SFPQ: variants seen among roughly 807,000 people sequenced by gnomAD.
SFPQ encodes the protein splicing factor proline and glutamine rich.
A neutral mutation model predicts 72.9 loss-of-function variants in SFPQ; 11 were observed. The observed-to-expected ratio is 0.15, with a 90% CI of 0.09 to 0.25. SFPQ has a LOEUF of 0.25. SFPQ is among the 10% of genes least tolerant of loss of function. SFPQ has a pLI of 1.00. For synonymous variants in SFPQ, 506 were observed against 367.3 expected, an observed-to-expected ratio of 1.38 and a Z score of -4.32; for missense variants, 847 against 993.3, an observed-to-expected ratio of 0.85 and a Z score of 1.98.
intron 4 of SFPQ, among the ~76,000 whole-genome samples, chr1:35,189,819 A>G (rs1639906997): frequency 6.6e-6 from 1 of 152,082 alleles, no homozygotes; most frequent in Admixed American, 6.6e-5. Flanking sequence ...GCATGGTGGC[A>G]GGCACCTGTA....
chr1:35,190,398 A>C, intron 4 of SFPQ, 100 bp downstream of exon 4: 1 of 766,222 alleles, frequency 1.3e-6, no homozygotes, highest in South Asian at 1.7e-5. Context: ...ATCCACATCA[A>C]ATAATTTTGC....
chr1:35,189,423 T>C (rs2148621960), intron 4 of SFPQ, 41 bp from the exon 5 acceptor site: 2 of 1,491,830 alleles, frequency 1.3e-6, no homozygotes, highest in South Asian at 1.2e-5. Flanking sequence ...GATTTGTGAA[T>C]GCATACCAGA....
chr1:35,192,008 C>T (rs1042273791), intron 1 of SFPQ, among the ~76,000 whole-genome samples: 1 of 152,038 alleles, frequency 6.6e-6, no homozygotes, highest in Non-Finnish European at 1.5e-5. Context: ...GAAAGGAAAC[C>T]TCCCCTAGCC....
chr1:35,192,827 G>T lies in SFPQ; in HGVS notation c.223C>A (p.Gln75Lys). The T allele has an allele frequency of 6.6e-7, 1 of 1,515,050 alleles. No homozygotes were observed. Among genetic ancestry groups the T allele is most frequent in the Non-Finnish European group, 8.8e-7 (1 of 1,138,406 alleles). 93.9% of individuals were successfully genotyped at this position (1,515,050 alleles called of 1,614,324 possible). The change falls in exon 1 of 10, where the codon CAG becomes AAG. Residue 75 changes from glutamine to lysine, a missense_variant. Gln to Lys is a moderately conservative substitution (Grantham distance 53, BLOSUM62 1). Around this residue, in one of 6 missense-constraint regions of SFPQ, gnomAD observed 498 missense variants for 405.1 expected, o/e 1.23. Transcript: ENST00000357214. ...PHQQQQQPPP[Q>K]QPPPQQPPPH... ...GGCGGCTGCTGCGGCGGTGGCTGCT[G>T]CGGTGGTGGCTGTTGCTGCTGTTGG...
Position 35,189,333 on chromosome 1 carries a change from C to T in SFPQ, c.1465G>A (p.Glu489Lys), listed in dbSNP as rs958417932. 5.6e-6 allele frequency: 9 copies of T among 1,614,072 alleles called. No individual in the cohort carries two copies. Among genetic ancestry groups the T allele is most frequent in the Non-Finnish European group, 7.6e-6 (9 of 1,179,980 alleles). ...AAAGACTTCCATCGCTGAGAATATT[C>T]GTACTCAAACGTGCCATGCTGGGCA... ...RFAQHGTFEY[E>K]YSQRWKSLDE... Residue 489 changes from glutamate (E) to lysine (K), a missense_variant, in exon 5 of 10, where the codon GAA becomes AAA. Physicochemically the swap from Glu to Lys is moderately conservative, Grantham distance 56. Coordinates refer to ENST00000357214, the MANE Select transcript of SFPQ (RefSeq NM_005066.3).
At chr1:35,187,298 C>A in intron 7 of SFPQ, 47 bp from the exon 8 acceptor site, 1 of 1,550,252 alleles carries the variant, frequency 6.5e-7, no homozygotes, top group Non-Finnish European at 8.9e-7. Context: ...ATACCCACAG[C>A]AAGCATTCTT....
chr1:35,178,580 C>A (rs1406007075), downstream of SFPQ: 4 of 1,058,426 alleles, frequency 3.8e-6, no homozygotes, highest in Non-Finnish European at 4.6e-6. Context: ...TAAGTCCTCA[C>A]TGAGTTTTAA....
downstream of SFPQ, chr1:35,181,570 A>C: frequency 2.8e-6 from 3 of 1,061,988 alleles, no homozygotes; most frequent in Non-Finnish European, 3.4e-6. Context: ...CTTATAAAAT[A>C]CCTATTAAAT....
At chr1:35,192,197 A>C (rs1244350459) in intron 1 of SFPQ, 25 bp downstream of exon 1, 2 of 1,380,252 alleles carry the variant, frequency 1.4e-6, no homozygotes, top group Non-Finnish European at 1.9e-6. Context: ...AGGGGAGCCG[A>C]CGCGTCGCTC....
Position 35,188,124 on chromosome 1 carries a change from T to TTA in SFPQ, c.1698-36_1698-35dup, listed in dbSNP as rs758423860. On this transcript the variant is annotated intron_variant, in intron 6 of 9. Coordinates refer to ENST00000357214, the MANE Select transcript of SFPQ (RefSeq NM_005066.3). ...ACCCATCAGGTACATAACTGAAGTG[T>TTA]TATCCACATCTTTTAGAATTCAATG... is the stretch of plus-strand genomic sequence containing the variant. 4 of 1,446,866 alleles carry TTA rather than the reference T, an allele frequency of 2.8e-6. No individual in the cohort carries two copies. The South Asian group carries it at 3.4e-5, about 12-fold the overall frequency. The allele number at this position is 1,446,866 out of a possible 1,614,324, so 89.6% of individuals were successfully genotyped here. A position where few individuals can be genotyped will look rare whatever the true frequency, so the allele number is the denominator to read the frequency against.
downstream of SFPQ, chr1:35,178,656 G>A (rs1639343455): frequency 3.8e-6 from 4 of 1,056,440 alleles, no homozygotes; most frequent in Non-Finnish European, 4.6e-6. Flanking sequence ...TGAGGGAGAA[G>A]ACATTCACCT....
At chr1:35,179,868 AT>A (rs1485472628), downstream of SFPQ, 3 of 1,053,926 alleles carry the variant, frequency 2.8e-6, no homozygotes, top group Middle Eastern at 4.3e-4. Flanking sequence ...CACCGATTTA[AT>A]GGATTACGAC....
chr1:35,185,663 C>T (rs2148614597), intron 9 of SFPQ, among the ~76,000 whole-genome samples: 1 of 152,326 alleles, frequency 6.6e-6, no homozygotes, highest in East Asian at 1.9e-4. Flanking sequence ...CAGGGTTTAA[C>T]TGTTCCTATA....
At chr1:35,178,297 G>C (rs151014380), downstream of SFPQ, 1 of 1,095,010 alleles carries the variant, frequency 9.1e-7, no homozygotes, top group East Asian at 5.1e-5. Flanking sequence ...AGTTTCACCA[G>C]TCTGAGCACA....
Position 35,184,088 on chromosome 1 carries a change from A to G in SFPQ, c.*368T>C. ...GTGGAATACGTAGCCTAATATGCATAGAAGCATGAATGGCAAAGTTGAAGA... is the reference window on the plus strand; with the variant it reads ...GTGGAATACGTAGCCTAATATGCATGGAAGCATGAATGGCAAAGTTGAAGA... On this transcript the variant is annotated 3_prime_UTR_variant, in exon 10 of 10. Transcript: ENST00000357214. The G allele has an allele frequency of 9.0e-7, 1 of 1,115,344 alleles. No individual in the cohort carries two copies. The highest frequency in any genetic ancestry group is 1.1e-6 in the Non-Finnish European group (1 of 913,068). The allele number at this position is 1,115,344 out of a possible 1,614,324, so 69.1% of individuals were successfully genotyped here. A position where few individuals can be genotyped will look rare whatever the true frequency, so the allele number is the denominator to read the frequency against.
rs1467307545 is a variant in SFPQ, at chr1:35,191,533, A to G, written c.829-4T>C. On this transcript the variant is annotated splice_polypyrimidine_tract_variant and splice_region_variant and intron_variant, in intron 1 of 9. Coordinates refer to ENST00000357214, the MANE Select transcript of SFPQ (RefSeq NM_005066.3). ...GAGACAAATTGGCTTTAAACCCCTA[A>G]TGAAAAAGGAAAGAAGTTTTCAAAC... 6.2e-7 allele frequency: 1 copy of G among 1,603,560 alleles called. No homozygotes were observed. Among genetic ancestry groups the G allele is most frequent in the South Asian group, 1.1e-5 (1 of 89,508 alleles).
Position 35,182,995 on chromosome 1 carries a change from T to C in SFPQ, c.*1461A>G. The C allele has an allele frequency of 2.2e-5, 23 of 1,040,054 alleles. No individual in the cohort carries two copies. Among genetic ancestry groups the C allele is most frequent in the Non-Finnish European group, 2.7e-5 (23 of 863,492 alleles). 64.4% of individuals were successfully genotyped at this position (1,040,054 alleles called of 1,614,324 possible). On this transcript the variant is annotated 3_prime_UTR_variant, in exon 10 of 10. Coordinates refer to ENST00000357214, the MANE Select transcript of SFPQ (RefSeq NM_005066.3). ...ATTTGTACTGTGTAGCATGAGCAACTTTCTCCAGATTTAGTGCTACATGAA... is the reference window on the plus strand; with the variant it reads ...ATTTGTACTGTGTAGCATGAGCAACCTTCTCCAGATTTAGTGCTACATGAA...
In SFPQ at chr1:35,192,464, G is replaced by A; in HGVS notation, c.586C>T (p.Pro196Ser). ...PPPAAVPGPG[P>S]GPKQGPGPGG... ...GGACCTGGGCCCTGCTTAGGCCCTG[G>A]ACCCGGGCCCGGGACTGCCGCGGGC... The change falls in exon 1 of 10, where the codon CCA becomes TCA. Residue 196 changes from proline to serine, a missense_variant. Pro to Ser is a moderately conservative substitution (Grantham distance 74). Around this residue, in one of 6 missense-constraint regions of SFPQ, gnomAD observed 498 missense variants for 405.1 expected, o/e 1.23. Transcript: ENST00000357214. 7.4e-7 allele frequency: 1 copy of A among 1,353,862 alleles called. No individual in the cohort carries two copies. Among genetic ancestry groups the A allele is most frequent in the Non-Finnish European group, 9.4e-7 (1 of 1,061,320 alleles). The allele number at this position is 1,353,862 out of a possible 1,614,324, so 83.9% of individuals were successfully genotyped here. A position where few individuals can be genotyped will look rare whatever the true frequency, so the allele number is the denominator to read the frequency against.
rs1321044706 is a variant in SFPQ at position 35,192,149 on chromosome 1, C to CGCGGGG, written c.828+67_828+72dup. Reference sequence around the variant, plus strand: ...GGCAGCCGACAAAATGGAAGCCCAGCGCGGGGGCGGGGGCGAGGAGGGGGC... The same window carrying CGCGGGG: ...GGCAGCCGACAAAATGGAAGCCCAGCGCGGGGGCGGGGGCGGGGGCGAGGAGGGGGC... On this transcript the variant is annotated intron_variant, in intron 1 of 9. Transcript: ENST00000357214. The CGCGGGG allele has an allele frequency of 5.7e-4, 685 of 1,206,198 alleles. 3 individuals carry two copies. The highest frequency in any genetic ancestry group is 4.4e-3 in the East Asian group (135 of 30,388). The allele number at this position is 1,206,198 out of a possible 1,614,324, so 74.7% of individuals were successfully genotyped here.
Sources: allele counts gnomAD v4.1 joint callset (sites outside exome capture counted in the v4.1 genomes callset), GRCh38; gene constraint gnomAD v4.1.1; regional missense constraint gnomAD v4.1.1; transcripts MANE v1.5; gene names NCBI Gene and HGNC (gene_info 2026-07-23, HGNC 2026-07-21).